RHBDD1: variants seen among roughly 807,000 people sequenced by gnomAD.
The protein encoded by RHBDD1 is rhomboid-related protein 4.
RHBDD1 carries 38 observed loss-of-function variants against 36.3 expected under a neutral mutation model. The observed-to-expected ratio is 1.05, with a 90% CI of 0.81 to 1.37. RHBDD1 has a LOEUF of 1.37. Ranked by LOEUF, RHBDD1 falls within the 40% of genes most tolerant of loss-of-function variation. The pLI is 0.00. For synonymous variants in RHBDD1, 151 were observed against 136.5 expected, an observed-to-expected ratio of 1.11 and a Z score of -0.74; for missense variants, 393 against 377.6, an observed-to-expected ratio of 1.04 and a Z score of -0.34.
chr2:226,898,395 C>T (rs1490582090), intron 5 of RHBDD1, among the ~76,000 whole-genome samples: 1 of 152,192 alleles, frequency 6.6e-6, no homozygotes, highest in East Asian at 1.9e-4. Context: ...AAGTAAATGT[C>T]AGTGGTCAGC....
chr2:226,970,272 A>G (rs1953199708), intron 8 of RHBDD1, among the ~76,000 whole-genome samples: 1 of 151,992 alleles, frequency 6.6e-6, no homozygotes, highest in African/African-American at 2.4e-5. Context: ...AACAAAAGAG[A>G]GAAATAAAAC....
intron 8 of RHBDD1, among the ~76,000 whole-genome samples, chr2:226,951,832 T>A (rs1405360016): frequency 2.0e-5 from 3 of 152,254 alleles, no homozygotes; most frequent in Non-Finnish European, 4.4e-5. Flanking sequence ...GAATAACCTT[T>A]GTTGTCCGAC....
At chr2:226,949,801 C>G (rs1404185778) in intron 8 of RHBDD1, among the ~76,000 whole-genome samples, 1 of 152,118 alleles carries the variant, frequency 6.6e-6, no homozygotes, top group African/African-American at 2.4e-5. Flanking sequence ...GCCTTTCCCC[C>G]GTGTCCTCCC....
At chr2:226,961,542 A>AT (rs35615636) in intron 8 of RHBDD1, among the ~76,000 whole-genome samples, 65,264 of 151,282 alleles carry the variant, frequency 0.43, 14,090 homozygotes, top group South Asian at 0.52. Context: ...CATTTCATGC[A>AT]TTTTTTTTTC....
intron 6 of RHBDD1, 99 bp downstream of exon 6, chr2:226,906,980 A>C: frequency 1.6e-6 from 2 of 1,241,880 alleles, no homozygotes; most frequent in Non-Finnish European, 2.4e-6. Flanking sequence ...GGTTCAGCTC[A>C]AGAATTCCCT....
intron 8 of RHBDD1, among the ~76,000 whole-genome samples, chr2:226,977,330 C>CT (rs1262586158): frequency 6.6e-6 from 1 of 152,122 alleles, no homozygotes; most frequent in Non-Finnish European, 1.5e-5. Flanking sequence ...AGTGTATTTG[C>CT]TTTGCTTTTC....
intron 5 of RHBDD1, among the ~76,000 whole-genome samples, chr2:226,883,071 T>C (rs755146400): frequency 6.6e-6 from 1 of 152,202 alleles, no homozygotes; most frequent in Admixed American, 6.5e-5. Flanking sequence ...CTTCAACATA[T>C]TAATTTTGAG....
chr2:226,910,131 A>G (rs548132549), intron 7 of RHBDD1, among the ~76,000 whole-genome samples: 1 of 152,324 alleles, frequency 6.6e-6, no homozygotes, highest in African/African-American at 2.4e-5. Context: ...TAACCTTACA[A>G]AATAGGGCAG....
At chr2:226,904,805 C>T (rs988841814) in intron 5 of RHBDD1, among the ~76,000 whole-genome samples, 4 of 152,134 alleles carry the variant, frequency 2.6e-5, no homozygotes, top group Admixed American at 2.0e-4. Flanking sequence ...CCATAGTAGG[C>T]GAAATGTATT....
the RHBDD1 span, among the ~76,000 whole-genome samples, chr2:226,827,388 G>A: frequency 2.0e-5 from 3 of 152,050 alleles, no homozygotes; most frequent in Admixed American, 2.0e-4. Flanking sequence ...ACATTGTAAT[G>A]CTCACACACC....
chr2:226,933,001 G>A (rs1365290689), intron 8 of RHBDD1, among the ~76,000 whole-genome samples: 1 of 152,072 alleles, frequency 6.6e-6, no homozygotes, highest in Non-Finnish European at 1.5e-5. Context: ...CAATCATGGT[G>A]GAAGGCAAAG....
At chr2:226,839,361 T>A (rs181584325) in intron 2 of RHBDD1, 48 bp from the exon 3 acceptor site, 1 of 152,328 alleles carries the variant, frequency 6.6e-6, no homozygotes, top group East Asian at 1.9e-4. Flanking sequence ...CCTTTTATGT[T>A]GCAGTCATAG....
chr2:226,907,236 T>C (rs1333406760), intron 6 of RHBDD1, among the ~76,000 whole-genome samples: 1 of 152,198 alleles, frequency 6.6e-6, no homozygotes, highest in African/African-American at 2.4e-5. Context: ...TGAATTAATA[T>C]ACGTGCAAGG....
At chr2:226,862,141 C>T (rs999595546) in intron 3 of RHBDD1, among the ~76,000 whole-genome samples, 31 of 152,058 alleles carry the variant, frequency 2.0e-4, no homozygotes, top group African/African-American at 7.0e-4. Context: ...TAGGATGTTA[C>T]CATTTGCAAA....
chr2:226,819,977 GTTTTTT>G, the RHBDD1 span, among the ~76,000 whole-genome samples: 15 of 118,276 alleles, frequency 1.3e-4, no homozygotes, highest in African/African-American at 3.4e-4. Flanking sequence ...TATTGTGTGT[GTTTTTT>G]TTTTTTTTTT....
chr2:226,986,998 T>TA (rs1280676305), intron 8 of RHBDD1, among the ~76,000 whole-genome samples: 2 of 152,030 alleles, frequency 1.3e-5, no homozygotes, highest in Non-Finnish European at 2.9e-5. Flanking sequence ...TATGCAGCCA[T>TA]AAAAAAGAAT....
At chr2:226,852,040 C>T (rs765781285) in intron 3 of RHBDD1, among the ~76,000 whole-genome samples, 1 of 152,112 alleles carries the variant, frequency 6.6e-6, no homozygotes, top group Non-Finnish European at 1.5e-5. Flanking sequence ...TACTTTCTAC[C>T]CTGCCATATT....
intron 5 of RHBDD1, among the ~76,000 whole-genome samples, chr2:226,905,199 G>A (rs1231415748): frequency 6.6e-6 from 1 of 150,460 alleles, no homozygotes; most frequent in African/African-American, 2.5e-5. Context: ...TATAATGTAT[G>A]AATGAGACAC....
intron 3 of RHBDD1, among the ~76,000 whole-genome samples, chr2:226,853,916 G>A (rs1213614900): frequency 2.6e-5 from 4 of 152,220 alleles, no homozygotes; most frequent in Non-Finnish European, 5.9e-5. Flanking sequence ...TGGGCAGCTG[G>A]ACAGTTAAGT....
Sources: gnomAD v4.1 joint callset for allele counts (sites outside exome capture counted in the v4.1 genomes callset) on GRCh38, gnomAD v4.1.1 for gene constraint, MANE v1.5 for transcripts, NCBI Gene and HGNC (gene_info 2026-07-23, HGNC 2026-07-21) for gene names.